MRPL1: variants seen among roughly 807,000 people sequenced by gnomAD.
MRPL1 encodes mitochondrial ribosomal protein L1.
Under a neutral mutation model 38.0 loss-of-function variants are expected in MRPL1, and 28 were observed. The observed-to-expected ratio is 0.74, with a 90% CI of 0.55 to 1.01. The LOEUF (loss-of-function observed/expected upper bound fraction) is 1.01. MRPL1 is among the 50% of genes least tolerant of loss of function. The pLI is 0.00. For missense variants in MRPL1, 358 were observed against 389.8 expected (o/e 0.92, Z 0.69); for synonymous variants, 123 against 126.7 (o/e 0.97, Z 0.20).
chr4:77,944,886 G>A (rs1737218170), intron 7 of MRPL1, among the ~76,000 whole-genome samples: 1 of 152,064 alleles, frequency 6.6e-6, no homozygotes, highest in African/African-American at 2.4e-5. Context: ...AAGCTAGTAA[G>A]GTGGTGGAAG....
chr4:77,950,905 C>T (rs1357592740), intron 8 of MRPL1, among the ~76,000 whole-genome samples: 1 of 152,242 alleles, frequency 6.6e-6, no homozygotes, highest in African/African-American at 2.4e-5. Context: ...GAGTCTCACT[C>T]TGTCACCCAG....
chr4:77,947,647 C>T (rs1737301011), intron 7 of MRPL1, among the ~76,000 whole-genome samples: 1 of 152,196 alleles, frequency 6.6e-6, no homozygotes, highest in Non-Finnish European at 1.5e-5. Flanking sequence ...TTCCTGAGTT[C>T]TCTCTAGAAC....
chr4:77,931,950 G>A (rs547677259), intron 7 of MRPL1, among the ~76,000 whole-genome samples: 5 of 152,298 alleles, frequency 3.3e-5, no homozygotes, highest in East Asian at 1.9e-4. Context: ...GAGCACAGAC[G>A]TCTTATACAC....
At chr4:77,872,982 G>C (rs1735317154) in intron 2 of MRPL1, among the ~76,000 whole-genome samples, 1 of 152,190 alleles carries the variant, frequency 6.6e-6, no homozygotes, top group Non-Finnish European at 1.5e-5. Context: ...GCAGTGAGCT[G>C]AGATTGCGCC....
chr4:77,942,168 G>T (rs1047450092), intron 7 of MRPL1, among the ~76,000 whole-genome samples: 1 of 151,844 alleles, frequency 6.6e-6, no homozygotes, highest in South Asian at 2.1e-4. Flanking sequence ...TAATTTCTAC[G>T]GTTTTGAGGG....
At chr4:77,866,892 C>A (rs553274740) in intron 1 of MRPL1, among the ~76,000 whole-genome samples, 1 of 151,838 alleles carries the variant, frequency 6.6e-6, no homozygotes, top group African/African-American at 2.4e-5. Flanking sequence ...GGATTACAGG[C>A]GCCTGTCACA....
intron 7 of MRPL1, among the ~76,000 whole-genome samples, chr4:77,944,445 T>C (rs143037825): frequency 4.5e-4 from 69 of 152,344 alleles, no homozygotes; most frequent in African/African-American, 1.5e-3. Context: ...TACTACCTTT[T>C]TTCGTGATGA....
In MRPL1 at chr4:77,887,275, C is replaced by G. The variant is rs370691190; in HGVS notation, c.542C>G (p.Thr181Ser). Residue 181 changes from threonine (T) to serine (S), a missense_variant, in exon 5 of 9, where the codon ACT becomes AGT. Coordinates refer to ENST00000315567, the MANE Select transcript of MRPL1 (RefSeq NM_020236.4). Reference sequence around the variant, plus strand: ...AATGGAGCTGCATTTGCAGGAGGCACTAGTCTGATACAGAAGGTACAGTGT... The same window carrying G: ...AATGGAGCTGCATTTGCAGGAGGCAGTAGTCTGATACAGAAGGTACAGTGT... ...EENGAAFAGGTSLIQKIWDDE... is the reference protein window; with the variant it reads ...EENGAAFAGGSSLIQKIWDDE... 11 of 1,613,448 alleles carry G rather than the reference C, an allele frequency of 6.8e-6. No homozygotes were observed. Among genetic ancestry groups the G allele is most frequent in the Non-Finnish European group, 8.5e-6 (10 of 1,179,420 alleles).
At chr4:77,878,826 C>A (rs1403169401) in intron 2 of MRPL1, among the ~76,000 whole-genome samples, 1 of 152,056 alleles carries the variant, frequency 6.6e-6, no homozygotes, top group African/African-American at 2.4e-5. Flanking sequence ...TTGCAGTGAG[C>A]CCAGATCGCA....
chr4:77,947,011 CA>C (rs35260448), intron 7 of MRPL1, among the ~76,000 whole-genome samples: 69,144 of 127,362 alleles, frequency 0.54, 16,267 homozygotes, highest in Admixed American at 0.59. Context: ...CTCAATGGGA[CA>C]AAAAAAAAAA....
At chr4:77,931,480 GATT>G (rs1472760956) in intron 7 of MRPL1, among the ~76,000 whole-genome samples, 1 of 152,216 alleles carries the variant, frequency 6.6e-6, no homozygotes, top group African/African-American at 2.4e-5. Context: ...TGTTAGAGAG[GATT>G]AATGAATCAC....
intron 7 of MRPL1, among the ~76,000 whole-genome samples, chr4:77,914,854 G>A (rs1578052636): frequency 6.6e-6 from 1 of 152,154 alleles, no homozygotes; most frequent in African/African-American, 2.4e-5. Flanking sequence ...AAGATATCTA[G>A]AACAGGGGTC....
intron 7 of MRPL1, among the ~76,000 whole-genome samples, chr4:77,910,729 C>T (rs1736268632): frequency 6.6e-6 from 1 of 152,184 alleles, no homozygotes; most frequent in South Asian, 2.1e-4. Flanking sequence ...TGCTAGGCTT[C>T]TCAGCTAGTT....
rs1385931664 is a variant in MRPL1 at position 77,949,886 on chromosome 4, G to GT, written c.859+11dup. The GT allele has an allele frequency of 6.3e-7, 1 of 1,592,796 alleles. No homozygotes were observed. Among genetic ancestry groups the GT allele is most frequent in the Non-Finnish European group, 8.6e-7 (1 of 1,164,462 alleles). On this transcript the variant is annotated intron_variant, in intron 8 of 8. Transcript: ENST00000315567. The stretch of plus-strand genomic sequence containing the variant: ...ACAGACCGCTGAATTTGGGTAAGTG[G>GT]TTTGCTGAGGGTAGACTTCCCTATG...
intron 1 of MRPL1, among the ~76,000 whole-genome samples, chr4:77,869,444 A>C (rs1735226588): frequency 6.6e-6 from 1 of 152,184 alleles, no homozygotes; most frequent in Non-Finnish European, 1.5e-5. Context: ...GAAAACATAG[A>C]TATCATGATC....
At chr4:77,930,528 G>A (rs1736820350) in intron 7 of MRPL1, among the ~76,000 whole-genome samples, 1 of 152,184 alleles carries the variant, frequency 6.6e-6, no homozygotes, top group African/African-American at 2.4e-5. Flanking sequence ...AGGCGGAGCC[G>A]AGTTAGTGAT....
chr4:77,868,431 C>T (rs977153287), intron 1 of MRPL1, among the ~76,000 whole-genome samples: 4 of 151,918 alleles, frequency 2.6e-5, no homozygotes, highest in Admixed American at 2.6e-4. Flanking sequence ...TTAGTAGAGA[C>T]GGGGTTTTAC....
At chr4:77,925,256 G>GTA (rs1736686737) in intron 7 of MRPL1, among the ~76,000 whole-genome samples, 1 of 151,576 alleles carries the variant, frequency 6.6e-6, no homozygotes, top group South Asian at 2.1e-4. Flanking sequence ...TGTTTAATAT[G>GTA]TATTAAACTA....
rs1735031406 is a variant in MRPL1, at chr4:77,862,860, CG to C, written c.13del (p.Val5Ter). The C allele has an allele frequency of 1.9e-6, 3 of 1,613,956 alleles. No homozygotes were observed. Among genetic ancestry groups the C allele is most frequent in the South Asian group, 2.2e-5 (2 of 91,072 alleles). MAAA[V>X]RCMGRALIHH... ...CCGGAGTGCCCAACATGGCGGCGGC[CG>C]TAAGGTGCATGGGTAGAGGTAAGGC... is the stretch of plus-strand genomic sequence containing the variant. On this transcript the variant is annotated frameshift_variant, in exon 1 of 9. Transcript: ENST00000315567. LOFTEE classifies it high-confidence loss of function.
Sources: allele counts gnomAD v4.1 joint callset (sites outside exome capture counted in the v4.1 genomes callset), GRCh38; gene constraint gnomAD v4.1.1; transcripts MANE v1.5; gene names NCBI Gene and HGNC (gene_info 2026-07-23, HGNC 2026-07-21).